HMCN1: variants seen among roughly 807,000 people sequenced by gnomAD.
The protein encoded by HMCN1 is hemicentin 1, also known as hemicentin-1.
HMCN1 carries 321 observed loss-of-function variants against 625.9 expected under a neutral mutation model. The ratio of observed to expected loss-of-function variants is 0.51; its 90% CI spans 0.47 to 0.56. HMCN1 has a LOEUF of 0.56. HMCN1 is among the 20% of genes least tolerant of loss of function. The probability of loss-of-function intolerance (pLI) is 0.00; values close to 1 mark genes in which losing one functional copy is unlikely to be tolerated. For synonymous variants in HMCN1, 2,425 were observed against 2,417.6 expected, an observed-to-expected ratio of 1.00 and a Z score of -0.09; for missense variants, 6,588 against 6,887.3, an observed-to-expected ratio of 0.96 and a Z score of 1.54.
At chr1:185,945,839 C>T (rs1668314140) in intron 11 of HMCN1, among the ~76,000 whole-genome samples, 1 of 152,126 alleles carries the variant, frequency 6.6e-6, no homozygotes, top group South Asian at 2.1e-4. Flanking sequence ...ATGTGATTTT[C>T]TTTTCACTCT....
intron 11 of HMCN1, among the ~76,000 whole-genome samples, chr1:185,943,191 T>C (rs1258424799): frequency 6.6e-6 from 1 of 152,206 alleles, no homozygotes; most frequent in Non-Finnish European, 1.5e-5. Context: ...CTCCGAGAGC[T>C]ACTCTACAAA....
At chr1:186,150,888 C>G (rs1248383497) in intron 93 of HMCN1, among the ~76,000 whole-genome samples, 2 of 151,332 alleles carry the variant, frequency 1.3e-5, no homozygotes, top group Admixed American at 1.3e-4. Context: ...TTGTCATCAC[C>G]ACCACCAACA....
intron 42 of HMCN1, among the ~76,000 whole-genome samples, chr1:186,052,418 A>G (rs779215628): frequency 6.6e-6 from 1 of 152,060 alleles, no homozygotes; most frequent in Non-Finnish European, 1.5e-5. Context: ...TGAAGGTTCC[A>G]GAGAGAAGCT....
intron 2 of HMCN1, among the ~76,000 whole-genome samples, chr1:185,861,009 T>C (rs2102348995): frequency 6.6e-6 from 1 of 152,292 alleles, no homozygotes; most frequent in Non-Finnish European, 1.5e-5. Flanking sequence ...CAGTACATGA[T>C]TTTTTTAGGG....
intron 6 of HMCN1, 124 bp downstream of exon 6, chr1:185,911,904 G>A (rs1041613765): frequency 6.0e-5 from 45 of 752,480 alleles, no homozygotes; most frequent in Non-Finnish European, 9.2e-5. Flanking sequence ...GTAATAAAAA[G>A]CAACGTACAT....
chr1:185,919,869 T>C (rs945204802), intron 6 of HMCN1, among the ~76,000 whole-genome samples: 3 of 152,200 alleles, frequency 2.0e-5, no homozygotes, highest in African/African-American at 7.2e-5. Flanking sequence ...AGAATTTGTA[T>C]AAAAAATTAA....
intron 16 of HMCN1, among the ~76,000 whole-genome samples, chr1:185,980,363 GTCTT>G (rs1651530229): frequency 2.0e-5 from 3 of 152,100 alleles, no homozygotes; most frequent in Non-Finnish European, 4.4e-5. Flanking sequence ...CTAAAGTTCT[GTCTT>G]TCTTCTGCAC....
In HMCN1 at chr1:186,103,843, A is replaced by G. The variant is rs149299335; in HGVS notation, c.10770+175A>G. Among the ~76,000 whole-genome samples, 8 of 152,324 alleles carry G rather than the reference A, an allele frequency of 5.3e-5. No homozygotes were observed. The East Asian group carries it at 1.5e-3, about 29-fold the overall frequency. ...ATTGGGTAACTTGATTAAAAGGAAGACAAAGCAGTATCATATTAAACTCCG... is the reference window on the plus strand; with the variant it reads ...ATTGGGTAACTTGATTAAAAGGAAGGCAAAGCAGTATCATATTAAACTCCG... On this transcript the variant is annotated intron_variant, in intron 69 of 106. Transcript: ENST00000271588.
At chr1:185,986,876 T>TA (rs986238765) in intron 19 of HMCN1, among the ~76,000 whole-genome samples, 2 of 147,382 alleles carry the variant, frequency 1.4e-5, no homozygotes, top group African/African-American at 5.0e-5. Context: ...TTAAATAAAA[T>TA]AAAAAAACTC....
intron 4 of HMCN1, among the ~76,000 whole-genome samples, chr1:185,894,303 A>G (rs1665350602): frequency 6.6e-6 from 1 of 152,082 alleles, no homozygotes; most frequent in African/African-American, 2.4e-5. Context: ...AGATTCAGCC[A>G]CATCATTGCA....
intron 97 of HMCN1, among the ~76,000 whole-genome samples, chr1:186,163,817 C>CCACT (rs1651688151): frequency 6.6e-6 from 1 of 152,076 alleles, no homozygotes; most frequent in Non-Finnish European, 1.5e-5. Context: ...GAGTCCTGTC[C>CCACT]CACTCACTGA....
intron 89 of HMCN1, among the ~76,000 whole-genome samples, chr1:186,143,242 A>G (rs1650084619): frequency 6.6e-6 from 1 of 152,224 alleles, no homozygotes; most frequent in Admixed American, 6.5e-5. Flanking sequence ...ATTTCATTAC[A>G]TGGTTTTCAA....
At chr1:186,025,908 C>G (rs1655031250) in intron 36 of HMCN1, among the ~76,000 whole-genome samples, 1 of 152,178 alleles carries the variant, frequency 6.6e-6, no homozygotes. Context: ...TAGGTTAAAA[C>G]ATTTCAACTA....
At position 186,090,758 on chromosome 1, in the gene HMCN1, T is replaced by A. The variant is rs1316161672; in HGVS notation, c.9728T>A (p.Val3243Asp). 1.2e-6 allele frequency: 2 copies of A among 1,611,982 alleles called. No homozygotes were observed. Among genetic ancestry groups the A allele is most frequent in the Non-Finnish European group, 1.7e-6 (2 of 1,178,690 alleles). Residue 3243 changes from valine to aspartate, a missense_variant and splice_region_variant, in exon 64 of 107, where the codon GTT becomes GAT. Physicochemically the swap from Val to Asp is radical, Grantham distance 152 (BLOSUM62 -3). Coordinates refer to ENST00000271588, the MANE Select transcript of HMCN1 (RefSeq NM_031935.3). ...AQKYYFLSIQ[V>D]PPSVAGAEIP... ...GAAATTCCTAATTATTTCTCCAAAG[T>A]TCCTCCAAGTGTTGCTGGTGCTGAA... is the stretch of plus-strand genomic sequence containing the variant.
At chr1:186,145,621 A>G (rs764234863) in intron 92 of HMCN1, 48 bp downstream of exon 92, 2 of 1,611,306 alleles carry the variant, frequency 1.2e-6, no homozygotes, top group Non-Finnish European at 1.7e-6. Flanking sequence ...CATTTCATTT[A>G]GTGCTCATTG....
At chr1:186,045,609 GTA>G in intron 40 of HMCN1, 77 bp from the exon 41 acceptor site, 2 of 1,052,866 alleles carry the variant, frequency 1.9e-6, no homozygotes, top group Non-Finnish European at 3.0e-6. Flanking sequence ...AAGGTATTCA[GTA>G]TATGTCCTGA....
chr1:185,796,620 T>TTGTGTG (rs1324645025), intron 1 of HMCN1, among the ~76,000 whole-genome samples: 1 of 143,610 alleles, frequency 7.0e-6, no homozygotes, highest in African/African-American at 2.8e-5. Context: ...ATGGCTGAGT[T>TTGTGTG]TGTGTCTGTG....
chr1:186,164,516 T>C (rs1651750310), intron 97 of HMCN1, among the ~76,000 whole-genome samples: 1 of 152,172 alleles, frequency 6.6e-6, no homozygotes, highest in Non-Finnish European at 1.5e-5. Flanking sequence ...GTGCTGGGAT[T>C]ACAGGCATGA....
At chr1:185,942,424 A>G (rs1306443008) in intron 11 of HMCN1, among the ~76,000 whole-genome samples, 1 of 152,184 alleles carries the variant, frequency 6.6e-6, no homozygotes, top group African/African-American at 2.4e-5. Flanking sequence ...AGTAGCAGGG[A>G]AAACGATACT....
Sources: gnomAD v4.1 joint callset for allele counts (sites outside exome capture counted in the v4.1 genomes callset) on GRCh38, gnomAD v4.1.1 for gene constraint, MANE v1.5 for transcripts, NCBI Gene and HGNC (gene_info 2026-07-23, HGNC 2026-07-21) for gene names.